Variants in SMYD3 observed in about 807,000 individuals in gnomAD.
The protein encoded by SMYD3 is histone-lysine N-methyltransferase SMYD3.
SMYD3 carries 36 observed loss-of-function variants against 57.7 expected under a neutral mutation model. That is an observed-to-expected ratio of 0.62 (90% CI 0.48 to 0.82). The LOEUF is 0.82. Among genes scored for constraint, SMYD3 ranks in the 40% least tolerant of loss-of-function variants. SMYD3 has a pLI of 0.00. For missense variants in SMYD3, 515 were observed against 538.8 expected (o/e 0.96, Z 0.44); for synonymous variants, 211 against 195.0 (o/e 1.08, Z -0.68).
intron 1 of SMYD3, among the ~76,000 whole-genome samples, chr1:246,368,692 A>AC (rs958467948): frequency 1.6e-4 from 25 of 151,888 alleles, no homozygotes; most frequent in African/African-American, 4.3e-4. Flanking sequence ...GGAAAGGCAG[A>AC]CCCCCCCTCA....
At chr1:246,369,027 T>A (rs1193162208) in intron 1 of SMYD3, among the ~76,000 whole-genome samples, 2 of 152,206 alleles carry the variant, frequency 1.3e-5, no homozygotes, top group South Asian at 2.1e-4. Context: ...TACAACCACT[T>A]AGCAGCTGTG....
intron 1 of SMYD3, among the ~76,000 whole-genome samples, chr1:246,363,871 T>C (rs1432967707): frequency 1.3e-5 from 2 of 151,928 alleles, no homozygotes; most frequent in African/African-American, 4.8e-5. Flanking sequence ...TATTGTCCTA[T>C]GACCCTGCCA....
intron 5 of SMYD3, among the ~76,000 whole-genome samples, chr1:246,020,190 T>C (rs938645676): frequency 1.3e-5 from 2 of 152,248 alleles, no homozygotes; most frequent in Non-Finnish European, 2.9e-5. Flanking sequence ...GACTGCTGAC[T>C]GCAATAAGAC....
intron 10 of SMYD3, among the ~76,000 whole-genome samples, chr1:245,806,581 G>A (rs1472626633): frequency 1.3e-5 from 2 of 152,136 alleles, no homozygotes; most frequent in Non-Finnish European, 2.9e-5. Flanking sequence ...CTTGGGATAC[G>A]TGTTATTTCT....
intron 10 of SMYD3, among the ~76,000 whole-genome samples, chr1:245,820,241 A>G (rs1441524665): frequency 6.6e-6 from 1 of 150,746 alleles, no homozygotes; most frequent in Non-Finnish European, 1.5e-5. Context: ...CTGGTTCAAT[A>G]TACGCAAATC....
chr1:246,067,221 T>C (rs1262766674), intron 5 of SMYD3, among the ~76,000 whole-genome samples: 1 of 152,210 alleles, frequency 6.6e-6, no homozygotes, highest in Non-Finnish European at 1.5e-5. Flanking sequence ...ATATACCCAA[T>C]TCTAATACAG....
chr1:246,357,976 T>C (rs760523902), intron 1 of SMYD3, among the ~76,000 whole-genome samples: 2 of 152,068 alleles, frequency 1.3e-5, no homozygotes, highest in East Asian at 3.9e-4. Context: ...AATACTAACA[T>C]TGACTGTAAA....
chr1:246,407,868 T>TAAATTATA (rs1553342884), intron 1 of SMYD3, among the ~76,000 whole-genome samples: 5 of 149,730 alleles, frequency 3.3e-5, no homozygotes, highest in African/African-American at 1.2e-4. Flanking sequence ...AATAAATAAA[T>TAAATTATA]TATATATATA....
intron 1 of SMYD3, among the ~76,000 whole-genome samples, chr1:246,461,898 C>G (rs2067803255): frequency 6.6e-6 from 1 of 152,110 alleles, no homozygotes; most frequent in Non-Finnish European, 1.5e-5. Context: ...AATTGATTGT[C>G]TGCCTAATTC....
intron 10 of SMYD3, among the ~76,000 whole-genome samples, chr1:245,780,418 C>T (rs2046782124): frequency 6.6e-6 from 1 of 152,134 alleles, no homozygotes; most frequent in African/African-American, 2.4e-5. Flanking sequence ...AGAAGCCAGA[C>T]ACACAAGGCC....
chr1:245,988,657 C>T (rs6690658), intron 5 of SMYD3: 105,589 of 152,140 alleles, frequency 0.69, 37,566 homozygotes, highest in Admixed American at 0.78. Context: ...TGGGCTCTGA[C>T]TGGCCTAATC....
intron 5 of SMYD3, chr1:246,326,466 T>TA: frequency 6.4e-6 from 4 of 626,868 alleles, no homozygotes; most frequent in South Asian, 1.8e-5. Context: ...TCGGAATCAT[T>TA]TAAAAAAAAA....
chr1:246,147,808 A>C (rs1023160680), intron 5 of SMYD3, among the ~76,000 whole-genome samples: 3 of 152,026 alleles, frequency 2.0e-5, no homozygotes, highest in Non-Finnish European at 4.4e-5. Context: ...GGAGCCAGGG[A>C]CAAGAGGGAG....
chr1:246,088,564 CAT>C (rs758237838), intron 5 of SMYD3, among the ~76,000 whole-genome samples: 10,753 of 138,634 alleles, frequency 0.078, 640 homozygotes, highest in African/African-American at 0.13. Flanking sequence ...GAGCCGAGAT[CAT>C]GCCACTGCAC....
In SMYD3 at chr1:245,804,218, T is replaced by C. The variant is rs139879127; in HGVS notation, c.1077-40069A>G. Reference sequence around the variant, plus strand: ...GAGGCACCGCGCCCAGCTGAGTCAGTATCTTTCTTATTAAAGCACATACTC... The same window carrying C: ...GAGGCACCGCGCCCAGCTGAGTCAGCATCTTTCTTATTAAAGCACATACTC... On this transcript the variant is annotated intron_variant, in intron 10 of 11. Coordinates refer to ENST00000490107, the MANE Select transcript of SMYD3 (RefSeq NM_001167740.2). Among the ~76,000 whole-genome samples, 23 of 152,240 alleles carry C rather than the reference T, an allele frequency of 1.5e-4. No individual in the cohort carries two copies. The East Asian group carries it at 4.4e-3, about 29-fold the overall frequency.
intron 1 of SMYD3, among the ~76,000 whole-genome samples, chr1:246,371,084 G>C (rs1461203075): frequency 6.6e-6 from 1 of 151,830 alleles, no homozygotes; most frequent in African/African-American, 2.4e-5. Context: ...CTAACATTCT[G>C]TTTGCTTTAG....
intron 5 of SMYD3, among the ~76,000 whole-genome samples, chr1:245,971,563 C>T (rs2058304415): frequency 6.6e-6 from 1 of 152,198 alleles, no homozygotes; most frequent in Non-Finnish European, 1.5e-5. Context: ...GGTTAGAACG[C>T]ATTCTTCTTC....
chr1:246,360,226 AT>A (rs1329934445), intron 1 of SMYD3, among the ~76,000 whole-genome samples: 5 of 152,194 alleles, frequency 3.3e-5, no homozygotes, highest in Non-Finnish European at 5.9e-5. Flanking sequence ...CTGCAAAAAA[AT>A]AAAATAAAAT....
At chr1:246,486,117 A>G (rs982347790) in intron 1 of SMYD3, among the ~76,000 whole-genome samples, 1 of 152,236 alleles carries the variant, frequency 6.6e-6, no homozygotes, top group Non-Finnish European at 1.5e-5. Context: ...ACACTTTATC[A>G]TAGATTATCT....
Sources: allele counts gnomAD v4.1 joint callset (sites outside exome capture counted in the v4.1 genomes callset), GRCh38; gene constraint gnomAD v4.1.1; transcripts MANE v1.5; gene names NCBI Gene and HGNC (gene_info 2026-07-23, HGNC 2026-07-21).